The following BNC2 variants were observed in gnomAD, a reference collection of about 807,000 sequenced individuals.
The protein encoded by BNC2 is zinc finger protein basonuclin-2.
BNC2 carries 20 observed loss-of-function variants against 76.3 expected under a neutral mutation model. The observed-to-expected ratio is 0.26, with a 90% CI of 0.18 to 0.38. The LOEUF (loss-of-function observed/expected upper bound fraction) is 0.38, where lower values mean the gene tolerates loss of function less well. Among genes scored for constraint, BNC2 ranks in the 10% least tolerant of loss-of-function variants. The probability of loss-of-function intolerance (pLI) is 1.00; values close to 1 mark genes in which losing one functional copy is unlikely to be tolerated. For missense variants in BNC2, 1,382 were observed against 1,399.8 expected (o/e 0.99, Z 0.20); for synonymous variants, 582 against 514.8 (o/e 1.13, Z -1.77).
chr9:16,472,367 C>G (rs1821844069), intron 5 of BNC2, among the ~76,000 whole-genome samples: 1 of 152,176 alleles, frequency 6.6e-6, no homozygotes, highest in African/African-American at 2.4e-5. Flanking sequence ...AGGTGCTGCC[C>G]TGCATTTGTC....
At chr9:16,596,031 C>T (rs533539740) in intron 3 of BNC2, among the ~76,000 whole-genome samples, 43 of 152,118 alleles carry the variant, frequency 2.8e-4, no homozygotes, top group African/African-American at 9.2e-4. Flanking sequence ...GTCAATAATC[C>T]GTGAACTAAG....
chr9:16,662,371 A>C (rs1822133995), intron 3 of BNC2, among the ~76,000 whole-genome samples: 1 of 152,236 alleles, frequency 6.6e-6, no homozygotes. Flanking sequence ...TAGGAGTCAT[A>C]CCTTAAAATA....
At chr9:16,714,433 T>C (rs1253079754) in intron 3 of BNC2, among the ~76,000 whole-genome samples, 1 of 152,236 alleles carries the variant, frequency 6.6e-6, no homozygotes, top group African/African-American at 2.4e-5. Context: ...CACAGCTGTG[T>C]TGATGCTGAA....
intron 6 of BNC2, among the ~76,000 whole-genome samples, chr9:16,433,487 G>C (rs528936716): frequency 1.4e-4 from 22 of 152,162 alleles, no homozygotes; most frequent in Admixed American, 1.1e-3. Flanking sequence ...CGTCATCCTA[G>C]ACGCGGGTCT....
intron 5 of BNC2, among the ~76,000 whole-genome samples, chr9:16,523,483 A>AC (rs1817686923): frequency 1.5e-5 from 2 of 134,198 alleles, no homozygotes; most frequent in African/African-American, 3.4e-5. Context: ...AACAAAAAAA[A>AC]AAAACAAAAC....
chr9:16,490,726 T>C (rs943155433), intron 5 of BNC2, among the ~76,000 whole-genome samples: 1 of 152,090 alleles, frequency 6.6e-6, no homozygotes, highest in Non-Finnish European at 1.5e-5. Flanking sequence ...CTACACTCCC[T>C]GAAGAAGAGA....
At chr9:16,661,332 A>C (rs1822105160) in intron 3 of BNC2, among the ~76,000 whole-genome samples, 1 of 152,172 alleles carries the variant, frequency 6.6e-6, no homozygotes, top group African/African-American at 2.4e-5. Context: ...AACTCTCTCA[A>C]CCAGTTTCCT....
At chr9:16,657,523 T>C (rs1307929631) in intron 3 of BNC2, among the ~76,000 whole-genome samples, 2 of 152,208 alleles carry the variant, frequency 1.3e-5, no homozygotes, top group Admixed American at 6.5e-5. Context: ...AAATTTTTTA[T>C]GTCCTCTTTC....
At chr9:16,554,527 G>T (rs1818762269) in intron 4 of BNC2, among the ~76,000 whole-genome samples, 1 of 152,142 alleles carries the variant, frequency 6.6e-6, no homozygotes, top group Non-Finnish European at 1.5e-5. Flanking sequence ...AGTCAACTTT[G>T]AATAAATAGC....
chr9:16,701,128 T>C (rs2134572660), intron 3 of BNC2, among the ~76,000 whole-genome samples: 1 of 152,120 alleles, frequency 6.6e-6, no homozygotes, highest in African/African-American at 2.4e-5. Flanking sequence ...CAGGGATCCC[T>C]AGGAGAGGCT....
At chr9:16,869,876 G>A (rs966397838) in intron 1 of BNC2, among the ~76,000 whole-genome samples, 1 of 152,078 alleles carries the variant, frequency 6.6e-6, no homozygotes, top group Admixed American at 6.5e-5. Flanking sequence ...TTTCACCTAG[G>A]GTTTTTCAGC....
chr9:16,782,967 C>T (rs1355055714), intron 1 of BNC2, among the ~76,000 whole-genome samples: 1 of 152,142 alleles, frequency 6.6e-6, no homozygotes, highest in African/African-American at 2.4e-5. Flanking sequence ...AGGGGTGTTT[C>T]ATATAATGAA....
In BNC2 at chr9:16,748,936, A is replaced by C. The variant is rs905655279; in HGVS notation, c.4-10451T>G. Among the ~76,000 whole-genome samples the C allele has an allele frequency of 8.6e-4, 126 of 145,892 alleles. 2 individuals carry two copies. The East Asian group carries it at 0.023, about 27-fold the overall frequency. ...CACTTTTTATACTATATATATATAT[A>C]TATATATATATATGAAATTAACAAA... On this transcript the variant is annotated intron_variant, in intron 1 of 6. Coordinates refer to ENST00000380672, the MANE Select transcript of BNC2 (RefSeq NM_017637.6).
At chr9:16,826,493 G>C (rs1445307596) in intron 1 of BNC2, among the ~76,000 whole-genome samples, 2 of 152,072 alleles carry the variant, frequency 1.3e-5, no homozygotes, top group Non-Finnish European at 2.9e-5. Context: ...CAGGAAAACT[G>C]TCTGGCACTC....
intron 1 of BNC2, among the ~76,000 whole-genome samples, chr9:16,821,499 T>G (rs1818328363): frequency 6.8e-6 from 1 of 146,510 alleles, no homozygotes; most frequent in South Asian, 2.1e-4. Context: ...AAAATTAACT[T>G]TCTTTTGTAC....
intron 1 of BNC2, among the ~76,000 whole-genome samples, chr9:16,810,605 C>T (rs1010430732): frequency 3.3e-5 from 5 of 152,202 alleles, no homozygotes; most frequent in African/African-American, 1.2e-4. Context: ...AACTGCAGGT[C>T]ACAGGCATTG....
chr9:16,496,805 C>G (rs1449464889), intron 5 of BNC2, among the ~76,000 whole-genome samples: 2 of 152,136 alleles, frequency 1.3e-5, no homozygotes. Flanking sequence ...GTGAGAAAAC[C>G]TTATTCAAAT....
chr9:16,861,236 C>T lies in BNC2; in HGVS notation c.3+9410G>A, dbSNP rs981207744. Among the ~76,000 whole-genome samples, 10 of 146,124 alleles carry T rather than the reference C, an allele frequency of 6.8e-5. No homozygotes were observed. The East Asian group carries it at 1.8e-3, about 27-fold the overall frequency. The stretch of plus-strand genomic sequence containing the variant: ...AGGCATCGTGGCTTGCACTTGTAGT[C>T]CCAATTACTACGGAGGCTGAAGCAG... On this transcript the variant is annotated intron_variant, in intron 1 of 6. Coordinates refer to ENST00000380672, the MANE Select transcript of BNC2 (RefSeq NM_017637.6).
chr9:16,790,186 A>G (rs1040802536), intron 1 of BNC2, among the ~76,000 whole-genome samples: 6 of 152,036 alleles, frequency 3.9e-5, no homozygotes, highest in African/African-American at 1.5e-4. Context: ...TTTAGTAGAG[A>G]CAGGGTTTCA....
Sources: allele counts gnomAD v4.1 joint callset (sites outside exome capture counted in the v4.1 genomes callset), GRCh38; gene constraint gnomAD v4.1.1; transcripts MANE v1.5; gene names NCBI Gene and HGNC (gene_info 2026-07-23, HGNC 2026-07-21).